Variants in XPO4 observed in about 807,000 individuals in gnomAD.
XPO4 encodes the protein exportin-4.
A neutral mutation model predicts 143.0 loss-of-function variants in XPO4; 39 were observed. The observed-to-expected ratio is 0.27, with a 90% CI of 0.21 to 0.36. The LOEUF (loss-of-function observed/expected upper bound fraction) is 0.36. XPO4 is among the 10% of genes least tolerant of loss of function. XPO4 has a pLI of 1.00. For synonymous variants in XPO4, 439 were observed against 474.0 expected (o/e 0.93, Z 0.96); for missense variants, 907 against 1,348.0 (o/e 0.67, Z 5.12).
chr13:20,806,917 A>T (rs907310696), intron 13 of XPO4, among the ~76,000 whole-genome samples: 2 of 152,096 alleles, frequency 1.3e-5, no homozygotes, highest in African/African-American at 4.8e-5. Flanking sequence ...AAATTTTGCC[A>T]TTAGTATTAG....
chr13:20,857,919 A>G lies in XPO4; in HGVS notation c.318-2154T>C, dbSNP rs572959671. 28 of 985,236 alleles carry G rather than the reference A, an allele frequency of 2.8e-5. No individual in the cohort carries two copies. The African/African-American group carries it at 4.7e-4, about 17-fold the overall frequency. The allele number at this position is 985,236 out of a possible 1,614,324, so 61.0% of individuals were successfully genotyped here. A position where few individuals can be genotyped will look rare whatever the true frequency, so the allele number is the denominator to read the frequency against. On this transcript the variant is annotated intron_variant, in intron 3 of 22. Transcript: ENST00000255305. The stretch of plus-strand genomic sequence containing the variant: ...ATTTCAATTAAGAGGAAAAAATAAA[A>G]AAGAAAAAATTCTGTGCATGTAATG...
rs144083008 is a variant in XPO4 at position 20,878,899 on chromosome 13, T to C, written c.70-10198A>G. ...CTGTCCATTTAAAACCTTGCATTTC[T>C]TTAAATAAGTGGGCCTTCTATTCTC... On this transcript the variant is annotated intron_variant, in intron 1 of 22. Coordinates refer to ENST00000255305, the MANE Select transcript of XPO4 (RefSeq NM_022459.5). Among the ~76,000 whole-genome samples the C allele has an allele frequency of 1.8e-3, 274 of 152,346 alleles. 1 individual carries two copies. The highest frequency in any genetic ancestry group is 3.2e-3 in the Non-Finnish European group (221 of 68,030).
At chr13:20,871,994 T>C (rs1451318486) in intron 1 of XPO4, among the ~76,000 whole-genome samples, 1 of 152,230 alleles carries the variant, frequency 6.6e-6, no homozygotes, top group Non-Finnish European at 1.5e-5. Context: ...TTAGTTTTTC[T>C]ACAACCAGAA....
intron 1 of XPO4, among the ~76,000 whole-genome samples, chr13:20,890,973 A>G (rs1293221167): frequency 6.6e-6 from 1 of 151,216 alleles, no homozygotes; most frequent in Admixed American, 6.6e-5. Flanking sequence ...TTAGCCAGGC[A>G]TGGTATGGTG....
At chr13:20,825,679 T>C (rs1210266155) in intron 7 of XPO4, among the ~76,000 whole-genome samples, 1 of 152,214 alleles carries the variant, frequency 6.6e-6, no homozygotes, top group Non-Finnish European at 1.5e-5. Context: ...TTCAGTCAAG[T>C]GCATAATACA....
rs1426251221 is a variant in XPO4, at chr13:20,779,104, T to G, written c.*4618A>C. 6.6e-6 allele frequency: 1 copy of G among 152,182 alleles called. No individual in the cohort carries two copies. The highest frequency in any genetic ancestry group is 2.4e-5 in the African/African-American group (1 of 41,448). The allele number at this position is 152,182 out of a possible 1,614,324, so 9.4% of individuals were successfully genotyped here. A position where few individuals can be genotyped will look rare whatever the true frequency, so the allele number is the denominator to read the frequency against. On this transcript the variant is annotated 3_prime_UTR_variant, in exon 23 of 23. Transcript: ENST00000255305. ...TAAACAGTACACTCATCCCTGGGTC[T>G]TTAAATAAAACTGAAAAGTCTTAGT...
intron 4 of XPO4, chr13:20,852,528 G>A (rs992178848): frequency 5.7e-5 from 56 of 985,136 alleles, no homozygotes; most frequent in Non-Finnish European, 6.6e-5. Flanking sequence ...TATACAACTC[G>A]TGTAGACACT....
chr13:20,798,586 G>A (rs1409260052), intron 16 of XPO4, among the ~76,000 whole-genome samples: 1 of 152,186 alleles, frequency 6.6e-6, no homozygotes, highest in Non-Finnish European at 1.5e-5. Context: ...CGACTGAGTT[G>A]TGAAAAATGT....
intron 16 of XPO4, among the ~76,000 whole-genome samples, chr13:20,798,353 A>C (rs2059385403): frequency 6.6e-6 from 1 of 152,182 alleles, no homozygotes; most frequent in South Asian, 2.1e-4. Flanking sequence ...AAGCTACCAG[A>C]GGCTACAGAT....
intron 19 of XPO4, among the ~76,000 whole-genome samples, chr13:20,789,539 C>A (rs979224809): frequency 2.0e-5 from 3 of 151,752 alleles, no homozygotes; most frequent in Admixed American, 1.3e-4. Flanking sequence ...GGACTACAGG[C>A]GCCCACCACC....
chr13:20,792,289 T>C (rs553891881), intron 18 of XPO4, among the ~76,000 whole-genome samples: 1 of 151,982 alleles, frequency 6.6e-6, no homozygotes, highest in South Asian at 2.1e-4. Context: ...CTACTAAAAA[T>C]ACAAAAAATT....
chr13:20,843,049 C>T lies in XPO4; in HGVS notation c.574-1G>A. The T allele has an allele frequency of 6.2e-7, 1 of 1,602,192 alleles. No individual in the cohort carries two copies. Among genetic ancestry groups the T allele is most frequent in the Non-Finnish European group, 8.5e-7 (1 of 1,174,132 alleles). On this transcript the variant is annotated splice_acceptor_variant, in intron 5 of 22. Coordinates refer to ENST00000255305, the MANE Select transcript of XPO4 (RefSeq NM_022459.5). LOFTEE classifies it high-confidence loss of function. ...TGAAGATCTGACGAAGGTCTTCTTC[C>T]TATAGTCAATAAATCACAAATATTT...
chr13:20,853,055 G>A (rs1373418827), intron 4 of XPO4: 27 of 985,118 alleles, frequency 2.7e-5, no homozygotes, highest in Non-Finnish European at 3.3e-5. Context: ...CCCATGGCCA[G>A]CCGTGGTGGC....
chr13:20,836,638 C>T (rs772498241), intron 6 of XPO4, among the ~76,000 whole-genome samples: 2 of 152,076 alleles, frequency 1.3e-5, no homozygotes, highest in Non-Finnish European at 1.5e-5. Context: ...GTTTCTACAC[C>T]GTGACATGAT....
chr13:20,799,022 GAA>G (rs559049236), intron 16 of XPO4, 141 bp downstream of exon 16: 2,454 of 619,836 alleles, frequency 4.0e-3, no homozygotes, highest in South Asian at 4.9e-3. Context: ...CCCTATCTCA[GAA>G]AAAAAAAAAA....
At chr13:20,819,309 C>T (rs998418786) in intron 9 of XPO4, among the ~76,000 whole-genome samples, 20 of 152,176 alleles carry the variant, frequency 1.3e-4, no homozygotes, top group African/African-American at 4.8e-4. Flanking sequence ...CTTTTCATCC[C>T]ATGTTAACTC....
intron 1 of XPO4, among the ~76,000 whole-genome samples, chr13:20,880,513 C>A (rs529143681): frequency 6.6e-6 from 1 of 152,128 alleles, no homozygotes; most frequent in East Asian, 1.9e-4. Flanking sequence ...AAAGATAAAA[C>A]TATCATATAA....
intron 1 of XPO4, among the ~76,000 whole-genome samples, chr13:20,884,057 C>A (rs937735739): frequency 6.6e-6 from 1 of 152,214 alleles, no homozygotes; most frequent in East Asian, 1.9e-4. Context: ...TGAGCCACCA[C>A]ACCCGGCCAA....
intron 3 of XPO4, chr13:20,857,990 T>C: frequency 1.0e-6 from 1 of 984,914 alleles, no homozygotes; most frequent in Non-Finnish European, 1.2e-6. Flanking sequence ...TAGCCTATAG[T>C]ATTCTACCTA....
Sources: allele counts gnomAD v4.1 joint callset (sites outside exome capture counted in the v4.1 genomes callset), GRCh38; gene constraint gnomAD v4.1.1; transcripts MANE v1.5; gene names NCBI Gene and HGNC (gene_info 2026-07-23, HGNC 2026-07-21).